Variants in FAM107A observed in about 807,000 individuals in gnomAD.
FAM107A encodes the protein actin-associated protein FAM107A.
Under a neutral mutation model 13.7 loss-of-function variants are expected in FAM107A, and 19 were observed. That is an observed-to-expected ratio of 1.38 (90% CI 0.97 to 2.03). The LOEUF is 2.03. Among genes scored for constraint, FAM107A ranks in the 30% most tolerant of loss-of-function variants. The pLI, the probability that FAM107A is intolerant of heterozygous loss-of-function variation, is 0.00. For missense variants in FAM107A, 203 were observed against 184.4 expected, an observed-to-expected ratio of 1.10 and a Z score of -0.58; for synonymous variants, 82 against 74.5, an observed-to-expected ratio of 1.10 and a Z score of -0.52.
intron 1 of FAM107A, among the ~76,000 whole-genome samples, chr3:58,597,872 T>C (rs954375507): frequency 2.0e-5 from 3 of 152,196 alleles, no homozygotes; most frequent in Admixed American, 2.0e-4. Context: ...GCTTTGTAAT[T>C]AGACTTGAGG....
intron 1 of FAM107A, among the ~76,000 whole-genome samples, chr3:58,620,386 C>T (rs571613378): frequency 4.7e-4 from 71 of 152,328 alleles, no homozygotes; most frequent in African/African-American, 1.4e-3. Context: ...AATGCACATG[C>T]GGTTCTGAGA....
rs534665113 is a variant in FAM107A, at chr3:58,569,986, A to T, written c.-5-121T>A. On this transcript the variant is annotated intron_variant, in intron 1 of 3. Transcript: ENST00000360997. This position sits in a 1 kb window ranked among gnomAD's most constrained non-coding sequence, Gnocchi z 5.7. The stretch of plus-strand genomic sequence containing the variant: ...GGACCTTGGCCACCTGCTACTGCGC[A>T]TACCTGGGCAAGCTACCTGACTTTC... 1.2e-4 allele frequency: 108 copies of T among 932,294 alleles called. No individual in the cohort carries two copies. In the East Asian group the frequency reaches 2.5e-3, roughly 22 times the overall value. The allele number at this position is 932,294 out of a possible 1,614,324, so 57.8% of individuals were successfully genotyped here.
intron 1 of FAM107A, among the ~76,000 whole-genome samples, chr3:58,606,095 C>CT (rs1163892094): frequency 6.6e-6 from 1 of 152,040 alleles, no homozygotes; most frequent in Non-Finnish European, 1.5e-5. Flanking sequence ...GCTGTTATCT[C>CT]TTTTTTGTTT....
At chr3:58,586,816 T>TC in intron 1 of FAM107A, 1 of 1,510,740 alleles carries the variant, frequency 6.6e-7, no homozygotes, top group Non-Finnish European at 8.8e-7. Context: ...AGAGCCCTCC[T>TC]CGCCCACTTC....
intron 1 of FAM107A, chr3:58,627,142 G>A: frequency 1.3e-6 from 1 of 761,318 alleles, no homozygotes; most frequent in East Asian, 2.7e-5. Context: ...AGGCACAAAG[G>A]CGGCTTTCAC....
intron 1 of FAM107A, among the ~76,000 whole-genome samples, chr3:58,599,907 C>T (rs1239456938): frequency 6.6e-6 from 1 of 151,272 alleles, no homozygotes; most frequent in Non-Finnish European, 1.5e-5. Flanking sequence ...AACTAGTGAC[C>T]TCCAGTGATC....
At chr3:58,587,496 T>A (rs952541228), upstream of FAM107A, among the ~76,000 whole-genome samples, 8 of 151,928 alleles carry the variant, frequency 5.3e-5, no homozygotes, top group African/African-American at 9.7e-5. Flanking sequence ...TGTGTGTGTG[T>A]GTGTGTGTGT....
At chr3:58,625,890 T>C (rs529465825) in intron 1 of FAM107A, among the ~76,000 whole-genome samples, 7 of 152,378 alleles carry the variant, frequency 4.6e-5, no homozygotes, top group African/African-American at 1.7e-4. Flanking sequence ...TCAACCTTGA[T>C]GGAACAGGTC....
At chr3:58,608,397 TAG>T (rs200695029) in intron 1 of FAM107A, among the ~76,000 whole-genome samples, 2,598 of 152,344 alleles carry the variant, frequency 0.017, 38 homozygotes, top group Middle Eastern at 0.037. Context: ...TAGTCAGCAG[TAG>T]AGCCAAATGA....
At chr3:58,567,599 C>T (rs953522664) in intron 2 of FAM107A, among the ~76,000 whole-genome samples, 7 of 152,224 alleles carry the variant, frequency 4.6e-5, no homozygotes, top group African/African-American at 1.7e-4. Context: ...GATTTGAACC[C>T]AGGCCTGTTT....
At chr3:58,601,113 C>T (rs528737328) in intron 1 of FAM107A, among the ~76,000 whole-genome samples, 8 of 152,234 alleles carry the variant, frequency 5.3e-5, no homozygotes, top group African/African-American at 1.9e-4. Flanking sequence ...TTATTATTAC[C>T]ACAATTCTGT....
chr3:58,570,016 C>G (rs1559474600), intron 1 of FAM107A, among the ~76,000 whole-genome samples, 151 bp from the exon 2 acceptor site: 1 of 152,192 alleles, frequency 6.6e-6, no homozygotes, highest in African/African-American at 2.4e-5. Flanking sequence ...ACTTTCTGAG[C>G]CTTAGTTTCT....
At chr3:58,568,812 T>C (rs1577019094) in intron 2 of FAM107A, among the ~76,000 whole-genome samples, 1 of 151,874 alleles carries the variant, frequency 6.6e-6, no homozygotes, top group Admixed American at 6.6e-5. Flanking sequence ...TTAGCAGGAG[T>C]ATTTCCCAGT....
chr3:58,592,951 C>T (rs2065666021), intron 1 of FAM107A, among the ~76,000 whole-genome samples: 1 of 152,230 alleles, frequency 6.6e-6, no homozygotes, highest in Non-Finnish European at 1.5e-5. Context: ...CTAATCTTCT[C>T]TTGCATACTC....
In FAM107A at chr3:58,595,663, C is replaced by T. The variant is rs1361298482; in HGVS notation, c.-69-6394G>A. On this transcript the variant is annotated intron_variant, in intron 1 of 3. Transcript: ENST00000465970. ...GCTGACTCTCTTTTCGGACTCAGCC[C>T]GCCTGCACCCAAGTGAAATAAACAG... 3.9e-5 allele frequency among the ~76,000 whole-genome samples: 6 copies of T among 152,084 alleles called. No individual in the cohort carries two copies. In the East Asian group the frequency reaches 9.6e-4, roughly 24 times the overall value.
intron 1 of FAM107A, among the ~76,000 whole-genome samples, chr3:58,611,209 C>T (rs959382428): frequency 2.6e-5 from 4 of 152,196 alleles, no homozygotes; most frequent in Non-Finnish European, 4.4e-5. Flanking sequence ...TTCCCAGTCT[C>T]TGGTATCTCT....
chr3:58,568,643 T>A (rs1169537779), intron 2 of FAM107A, among the ~76,000 whole-genome samples: 1 of 151,708 alleles, frequency 6.6e-6, no homozygotes, highest in Non-Finnish European at 1.5e-5. Context: ...TAATACTAAT[T>A]GAAAACAAAA....
intron 1 of FAM107A, among the ~76,000 whole-genome samples, chr3:58,583,996 C>G (rs1366004620): frequency 6.6e-6 from 1 of 152,200 alleles, no homozygotes; most frequent in African/African-American, 2.4e-5. Flanking sequence ...TATTTTGGGT[C>G]TGAATCTGTA....
chr3:58,617,720 A>T lies in FAM107A; in HGVS notation c.-70+9696T>A, dbSNP rs2065916557. Among the ~76,000 whole-genome samples, 3 of 152,242 alleles carry T rather than the reference A, an allele frequency of 2.0e-5. No individual in the cohort carries two copies. The South Asian group carries it at 6.2e-4, about 32-fold the overall frequency. On this transcript the variant is annotated intron_variant, in intron 1 of 3. Transcript: ENST00000465970. The surrounding 1 kb of genome is among the most constrained non-coding windows in gnomAD (Gnocchi z 4.5). ...TCCAAACCCTTTCAAGATAGAAATT[A>T]AATTCTCCTGAACTTTAGGCCCCTC... is the stretch of plus-strand genomic sequence containing the variant.
Sources: allele counts gnomAD v4.1 joint callset (sites outside exome capture counted in the v4.1 genomes callset), GRCh38; gene constraint gnomAD v4.1.1; non-coding constraint Gnocchi (gnomAD v3.1); transcripts MANE v1.5; gene names NCBI Gene and HGNC (gene_info 2026-07-23, HGNC 2026-07-21).